GAS7: variants seen among roughly 807,000 people sequenced by gnomAD.
GAS7 encodes growth arrest specific 7.
In GAS7, 28 loss-of-function variants were observed where a neutral mutation model predicts 71.1. The ratio of observed to expected loss-of-function variants is 0.39; its 90% CI spans 0.29 to 0.54. The LOEUF (loss-of-function observed/expected upper bound fraction) is 0.54, where lower values mean the gene tolerates loss of function less well. GAS7 is among the 20% of genes least tolerant of loss of function. GAS7 has a pLI of 0.62. For missense variants in GAS7, 436 were observed against 627.8 expected (o/e 0.69, Z 3.27); for synonymous variants, 258 against 245.8 (o/e 1.05, Z -0.46).
At chr17:10,019,670 G>A in intron 2 of GAS7, 107 bp downstream of exon 2, 1 of 1,155,856 alleles carries the variant, frequency 8.7e-7, no homozygotes, top group Non-Finnish European at 1.2e-6. Flanking sequence ...GACTTAAGAA[G>A]AAAAAACCCC....
chr17:9,955,448 A>G (rs1163003321), intron 5 of GAS7, among the ~76,000 whole-genome samples: 1 of 152,240 alleles, frequency 6.6e-6, no homozygotes, highest in Non-Finnish European at 1.5e-5. Context: ...AGCGTTTTAC[A>G]CGTATTAGCT....
intron 9 of GAS7, among the ~76,000 whole-genome samples, chr17:9,928,108 T>A (rs186032372): frequency 4.2e-5 from 6 of 144,334 alleles, no homozygotes; most frequent in East Asian, 2.1e-4. Flanking sequence ...TTATTTATTT[T>A]TTATTTATTT....
At chr17:10,001,699 G>C (rs2071274657) in intron 2 of GAS7, among the ~76,000 whole-genome samples, 1 of 152,202 alleles carries the variant, frequency 6.6e-6, no homozygotes, top group African/African-American at 2.4e-5. Context: ...CTGCAGGCAA[G>C]ACCTTCAGCC....
intron 1 of GAS7, among the ~76,000 whole-genome samples, chr17:10,097,261 G>A (rs2073650551): frequency 6.6e-6 from 1 of 152,186 alleles, no homozygotes; most frequent in Non-Finnish European, 1.5e-5. Flanking sequence ...AGCTCCTATG[G>A]CAGTGGTCAG....
chr17:10,172,691 GGGAATTT>G (rs1286792697), intron 1 of GAS7, among the ~76,000 whole-genome samples: 5 of 152,230 alleles, frequency 3.3e-5, no homozygotes, highest in African/African-American at 1.2e-4. Flanking sequence ...AAGCAAGGCA[GGGAATTT>G]TACACCCATT....
chr17:10,158,607 T>A (rs577436581), intron 1 of GAS7, among the ~76,000 whole-genome samples: 2 of 152,112 alleles, frequency 1.3e-5, no homozygotes, highest in African/African-American at 4.8e-5. Flanking sequence ...TCCAAAAAAA[T>A]ACGATTGATG....
At chr17:10,053,269 T>C (rs1202431248) in intron 1 of GAS7, among the ~76,000 whole-genome samples, 1 of 152,136 alleles carries the variant, frequency 6.6e-6, no homozygotes, top group Non-Finnish European at 1.5e-5. Context: ...CCTGGGGCCC[T>C]CCAAGTAAAT....
At chr17:10,008,419 A>T (rs2152183997) in intron 2 of GAS7, among the ~76,000 whole-genome samples, 1 of 152,366 alleles carries the variant, frequency 6.6e-6, no homozygotes, top group South Asian at 2.1e-4. Flanking sequence ...AGTCTTGCAA[A>T]GTAACTCAAC....
intron 1 of GAS7, among the ~76,000 whole-genome samples, chr17:10,190,965 G>A (rs1428324195): frequency 6.6e-6 from 1 of 150,610 alleles, no homozygotes; most frequent in Non-Finnish European, 1.5e-5. Context: ...CACCTGAGGT[G>A]GGAAGTTCAA....
chr17:10,141,992 G>GC (rs397708557), intron 1 of GAS7, among the ~76,000 whole-genome samples: 1 of 140,546 alleles, frequency 7.1e-6, no homozygotes. Context: ...ACTTTGGGGG[G>GC]CCGAGGTGGG....
intron 1 of GAS7, among the ~76,000 whole-genome samples, chr17:10,080,188 G>A (rs2073443336): frequency 6.6e-6 from 1 of 152,108 alleles, no homozygotes; most frequent in Non-Finnish European, 1.5e-5. Flanking sequence ...CTGACCTCTG[G>A]TCATCCTCGC....
intron 2 of GAS7, among the ~76,000 whole-genome samples, chr17:10,010,533 G>A (rs1208125746): frequency 6.6e-6 from 1 of 152,128 alleles, no homozygotes; most frequent in Non-Finnish European, 1.5e-5. Context: ...TGTGAGCCAC[G>A]TGGTCTCTGC....
At chr17:9,975,920 C>T (rs1226893954) in intron 3 of GAS7, among the ~76,000 whole-genome samples, 1 of 152,192 alleles carries the variant, frequency 6.6e-6, no homozygotes, top group African/African-American at 2.4e-5. Flanking sequence ...TGAAGTGGGG[C>T]AGTTCCGTGC....
In GAS7 at chr17:10,017,133, A is replaced by T. The variant is rs868309629; in HGVS notation, c.304+2644T>A. Among the ~76,000 whole-genome samples the T allele has an allele frequency of 3.3e-4, 44 of 132,490 alleles. 1 individual carries two copies. Among genetic ancestry groups the T allele is most frequent in the East Asian group, 6.5e-4 (3 of 4,616 alleles). 86.9% of individuals were successfully genotyped at this position (132,490 alleles called of 152,430 possible). A position where few individuals can be genotyped will look rare whatever the true frequency, so the allele number is the denominator to read the frequency against. ...GCAACAGAGTGAGACCCTGTCTAAA[A>T]AAATAAATAAATAAATAAATAAATA... On this transcript the variant is annotated intron_variant, in intron 2 of 13. Transcript: ENST00000432992.
chr17:10,112,789 A>AAAG lies in GAS7; in HGVS notation c.183+85418_183+85419insCTT, dbSNP rs1567596912. On this transcript the variant is annotated intron_variant, in intron 1 of 13. Transcript: ENST00000432992. ...AGAAAGAAAGAAAGAGAGAAAGAGA[A>AAAG]AGAAAGAAAAGAAAAGAGAGAGAAA... Among the ~76,000 whole-genome samples, 37 of 151,756 alleles carry AAAG rather than the reference A, an allele frequency of 2.4e-4. 2 individuals are homozygous for AAAG. Among genetic ancestry groups the AAAG allele is most frequent in the Non-Finnish European group, 5.9e-5 (4 of 67,944 alleles).
intron 5 of GAS7, among the ~76,000 whole-genome samples, chr17:9,947,467 G>A (rs777849865): frequency 7.2e-5 from 11 of 152,172 alleles, no homozygotes; most frequent in Non-Finnish European, 1.0e-4. Context: ...GAAAGCGGCC[G>A]GGCGCGGTGG....
chr17:10,009,739 A>T (rs1044395062), intron 2 of GAS7, among the ~76,000 whole-genome samples: 6 of 151,476 alleles, frequency 4.0e-5, no homozygotes, highest in African/African-American at 1.5e-4. Context: ...TGGTGTGGTG[A>T]CATATGCCCA....
At chr17:10,122,322 C>G (rs1288561703) in intron 1 of GAS7, among the ~76,000 whole-genome samples, 2 of 152,142 alleles carry the variant, frequency 1.3e-5, no homozygotes, top group African/African-American at 4.8e-5. Flanking sequence ...TTCTAGAAAC[C>G]CTCATCCTTC....
chr17:10,005,042 C>CATATATAT (rs370673273), intron 2 of GAS7, among the ~76,000 whole-genome samples: 1,547 of 144,880 alleles, frequency 0.011, 38 homozygotes, highest in African/African-American at 0.041. Flanking sequence ...TATATACATA[C>CATATATAT]ATATATATAC....
Sources: gnomAD v4.1 joint callset for allele counts (sites outside exome capture counted in the v4.1 genomes callset) on GRCh38, gnomAD v4.1.1 for gene constraint, MANE v1.5 for transcripts, NCBI Gene and HGNC (gene_info 2026-07-23, HGNC 2026-07-21) for gene names.